Variants in AIG1 observed in about 807,000 individuals in gnomAD.
AIG1 encodes the protein androgen-induced gene 1 protein.
Under a neutral mutation model 31.4 loss-of-function variants are expected in AIG1, and 23 were observed. The observed-to-expected ratio is 0.73, with a 90% CI of 0.53 to 1.04. The LOEUF (loss-of-function observed/expected upper bound fraction) is 1.04, where lower values mean the gene tolerates loss of function less well. Ranked by LOEUF, AIG1 falls within the 50% of genes least tolerant of loss-of-function variation. AIG1 has a pLI of 0.00. For synonymous variants in AIG1, 100 were observed against 110.5 expected (o/e 0.90, Z 0.60); for missense variants, 274 against 295.0 (o/e 0.93, Z 0.52).
chr6:143,190,334 C>T, intron 3 of AIG1: 1 of 985,466 alleles, frequency 1.0e-6, no homozygotes, highest in East Asian at 1.1e-4. Context: ...GCTTTTGATG[C>T]TTGAGGCTCC....
chr6:143,156,025 G>A (rs1411145251), intron 2 of AIG1, among the ~76,000 whole-genome samples: 1 of 152,198 alleles, frequency 6.6e-6, no homozygotes, highest in African/African-American at 2.4e-5. Flanking sequence ...AAGCTGGGGT[G>A]AAGGGAGTGG....
intron 2 of AIG1, among the ~76,000 whole-genome samples, chr6:143,139,386 C>T (rs771905114): frequency 8.5e-5 from 13 of 152,088 alleles, no homozygotes; most frequent in Non-Finnish European, 1.3e-4. Flanking sequence ...ACAGCCCAGC[C>T]AGTCCTCATC....
chr6:143,128,556 A>C (rs1039538164), intron 1 of AIG1, among the ~76,000 whole-genome samples: 3 of 152,204 alleles, frequency 2.0e-5, no homozygotes, highest in Non-Finnish European at 2.9e-5. Flanking sequence ...TGTCATGCTG[A>C]GTTGATGGTT....
At chr6:143,303,953 A>C (rs9496571) in intron 4 of AIG1, among the ~76,000 whole-genome samples, 1 of 140,644 alleles carries the variant, frequency 7.1e-6, no homozygotes, top group African/African-American at 2.6e-5. Flanking sequence ...TCCCTTGTAA[A>C]TTGGATTCCT....
intron 1 of AIG1, among the ~76,000 whole-genome samples, chr6:143,106,085 G>T (rs917820933): frequency 6.6e-6 from 1 of 152,122 alleles, no homozygotes; most frequent in Non-Finnish European, 1.5e-5. Flanking sequence ...AGCTCATTTC[G>T]ATGTAATTAA....
chr6:143,233,591 AG>A (rs572274140), intron 3 of AIG1, among the ~76,000 whole-genome samples: 1,514 of 147,880 alleles, frequency 0.01, 42 homozygotes, highest in East Asian at 0.061. Context: ...AAAAAAAAAA[AG>A]AAAAGAAAAG....
In AIG1 at chr6:143,256,634, T is replaced by A. The variant is rs1044732552; in HGVS notation, c.400-27476T>A. 1.3e-5 allele frequency among the ~76,000 whole-genome samples: 2 copies of A among 152,154 alleles called. No homozygotes were observed. The highest frequency in any genetic ancestry group is 4.8e-5 in the African/African-American group (2 of 41,424). ...ACAGCTGAAATAGGGTGGGAAAGGA[T>A]CTTACTGAAATAAACATATACTATC... On this transcript the variant is annotated intron_variant, in intron 3 of 5. Transcript: ENST00000357847. The surrounding 1 kb of genome is among the most constrained non-coding windows in gnomAD (Gnocchi z 4.6).
intron 3 of AIG1, among the ~76,000 whole-genome samples, chr6:143,261,935 T>A (rs1343950268): frequency 6.6e-6 from 1 of 152,242 alleles, no homozygotes; most frequent in Admixed American, 6.5e-5. Flanking sequence ...AGCTAATGGT[T>A]AGTTTACAGC....
rs1445291010 is a variant in AIG1, at chr6:143,330,869, A to G, written c.516-2413A>G. Among the ~76,000 whole-genome samples, 1 of 152,242 alleles carries G rather than the reference A, an allele frequency of 6.6e-6. No individual in the cohort carries two copies. The highest frequency in any genetic ancestry group is 2.4e-5 in the African/African-American group (1 of 41,456). On this transcript the variant is annotated intron_variant, in intron 4 of 5. Coordinates refer to ENST00000357847, the MANE Select transcript of AIG1 (RefSeq NM_016108.4). The surrounding 1 kb of genome is among the most constrained non-coding windows in gnomAD (Gnocchi z 4.4). ...TATTTAAGACAATGTCAGAATGATG[A>G]AACTGCTTCTAATTTATGGACAAAC...
intron 3 of AIG1, among the ~76,000 whole-genome samples, chr6:143,169,522 T>C (rs13215099): frequency 0.04 from 6,076 of 152,258 alleles, 176 homozygotes; most frequent in Non-Finnish European, 0.058. Context: ...CATTCTGTAT[T>C]GCTATAGAAC....
chr6:143,090,254 A>G (rs554253933), intron 1 of AIG1, among the ~76,000 whole-genome samples: 3 of 152,026 alleles, frequency 2.0e-5, no homozygotes, highest in African/African-American at 7.3e-5. Context: ...TCATCTGAAA[A>G]TTGGGTTTGA....
chr6:143,160,663 T>C (rs778792241), intron 2 of AIG1, among the ~76,000 whole-genome samples: 2 of 152,202 alleles, frequency 1.3e-5, no homozygotes, highest in Non-Finnish European at 2.9e-5. Context: ...AGAGAAACTA[T>C]TTTTGTTCCA....
At position 143,340,804 on chromosome 6, in the gene AIG1, C is replaced by T. The variant is rs972443652; in HGVS notation, c.*1128C>T. On this transcript the variant is annotated 3_prime_UTR_variant, in exon 6 of 6. Coordinates refer to ENST00000357847, the MANE Select transcript of AIG1 (RefSeq NM_016108.4). ...AAAACTATTTTACAAAATCTTTGAC[C>T]GTAATTATTTTTAAGATGAAAAATA... 2.0e-5 allele frequency among the ~76,000 whole-genome samples: 3 copies of T among 151,760 alleles called. No homozygotes were observed. The highest frequency in any genetic ancestry group is 2.1e-4 in the South Asian group (1 of 4,800).
chr6:143,272,865 TC>T (rs1796628493), intron 3 of AIG1, among the ~76,000 whole-genome samples: 1 of 152,202 alleles, frequency 6.6e-6, no homozygotes, highest in Non-Finnish European at 1.5e-5. Context: ...GCGCGGTGGC[TC>T]ATGCCTGTGA....
chr6:143,184,469 C>T (rs942594941), intron 3 of AIG1, among the ~76,000 whole-genome samples: 5 of 152,200 alleles, frequency 3.3e-5, no homozygotes, highest in African/African-American at 1.2e-4. Context: ...CTTAAGCTAA[C>T]CCCTCCTTTA....
intron 1 of AIG1, among the ~76,000 whole-genome samples, chr6:143,093,610 C>T (rs143543130): frequency 6.6e-6 from 1 of 152,284 alleles, no homozygotes; most frequent in African/African-American, 2.4e-5. Context: ...GCACAAGAGG[C>T]CTAGTTTTTG....
chr6:143,226,985 CTTTTTTTT>C (rs11431811), intron 3 of AIG1, among the ~76,000 whole-genome samples: 21 of 113,600 alleles, frequency 1.8e-4, no homozygotes, highest in African/African-American at 5.8e-4. Context: ...GAGTTTTTGT[CTTTTTTTT>C]TTTTTTTTTT....
At position 143,288,076 on chromosome 6, in the gene AIG1, G is replaced by C. The variant is rs1450069735; in HGVS notation, c.515+3851G>C. On this transcript the variant is annotated intron_variant, in intron 4 of 5. Coordinates refer to ENST00000357847, the MANE Select transcript of AIG1 (RefSeq NM_016108.4). The surrounding 1 kb of genome is among the most constrained non-coding windows in gnomAD (Gnocchi z 4.4). ...CACCTTCTAGTTGACATGTATAAAAGAGAAGACATCTTTGCTCCACCTGGT... is the reference window on the plus strand; with the variant it reads ...CACCTTCTAGTTGACATGTATAAAACAGAAGACATCTTTGCTCCACCTGGT... 1.3e-5 allele frequency among the ~76,000 whole-genome samples: 2 copies of C among 152,260 alleles called. No individual in the cohort carries two copies. The highest frequency in any genetic ancestry group is 3.9e-4 in the East Asian group (2 of 5,186).
intron 1 of AIG1, among the ~76,000 whole-genome samples, chr6:143,064,748 A>G (rs1165483760): frequency 1.3e-5 from 2 of 152,236 alleles, no homozygotes; most frequent in Non-Finnish European, 2.9e-5. Context: ...CCATGAAATT[A>G]TGTGGAGGAG....
Sources: gnomAD v4.1 joint callset for allele counts (sites outside exome capture counted in the v4.1 genomes callset) on GRCh38, gnomAD v4.1.1 for gene constraint, Gnocchi (gnomAD v3.1) non-coding constraint, MANE v1.5 for transcripts, NCBI Gene and HGNC (gene_info 2026-07-23, HGNC 2026-07-21) for gene names.